GPC5: variants seen among roughly 807,000 people sequenced by gnomAD.
GPC5 encodes glypican 5, also known as glypican-5.
In GPC5, 47 loss-of-function variants were observed where a neutral mutation model predicts 53.9. The ratio of observed to expected loss-of-function variants is 0.87; its 90% CI spans 0.69 to 1.11. The LOEUF is 1.11. GPC5 is among the 50% of genes most tolerant of loss of function. GPC5 has a pLI of 0.00. For missense variants in GPC5, 748 were observed against 713.1 expected (o/e 1.05, Z -0.56); for synonymous variants, 286 against 263.3 (o/e 1.09, Z -0.84).
chr13:92,243,148 G>C lies in GPC5; in HGVS notation c.1561+98159G>C, dbSNP rs191122037. On this transcript the variant is annotated intron_variant, in intron 7 of 7. Transcript: ENST00000377067. ...ATTTGTTTGAGACTTAATTTGACTT[G>C]TTATTACAAATAATTCATTTTAATT... 4.3e-4 allele frequency among the ~76,000 whole-genome samples: 66 copies of C among 152,196 alleles called. No homozygotes were observed. In the East Asian group the frequency reaches 8.9e-3, roughly 20 times the overall value.
chr13:91,954,233 T>C (rs895377804), intron 6 of GPC5, among the ~76,000 whole-genome samples: 1 of 152,092 alleles, frequency 6.6e-6, no homozygotes, highest in Non-Finnish European at 1.5e-5. Flanking sequence ...CCCAACATAT[T>C]TTATAAAGCC....
chr13:91,987,000 G>T (rs1241110453), intron 6 of GPC5, among the ~76,000 whole-genome samples: 1 of 152,114 alleles, frequency 6.6e-6, no homozygotes, highest in Non-Finnish European at 1.5e-5. Flanking sequence ...ATTGTCAGTT[G>T]GTAAGCAAAG....
At chr13:92,471,110 G>A (rs1018964725) in intron 7 of GPC5, among the ~76,000 whole-genome samples, 1 of 152,060 alleles carries the variant, frequency 6.6e-6, no homozygotes, top group Non-Finnish European at 1.5e-5. Context: ...AATGGACAGT[G>A]CCCTCAGCCA....
At chr13:91,560,827 G>A (rs1013316623) in intron 2 of GPC5, among the ~76,000 whole-genome samples, 3 of 152,058 alleles carry the variant, frequency 2.0e-5, no homozygotes, top group South Asian at 2.1e-4. Flanking sequence ...AAAGCAGCTT[G>A]AGTCACCACA....
At chr13:92,525,437 A>AGTGTGGGTGTGTGT (rs1881235616) in intron 7 of GPC5, among the ~76,000 whole-genome samples, 1 of 136,584 alleles carries the variant, frequency 7.3e-6, no homozygotes, top group Admixed American at 7.5e-5. Context: ...GATAGATTCA[A>AGTGTGGGTGTGTGT]GTGTGTGTGT....
intron 2 of GPC5, among the ~76,000 whole-genome samples, chr13:91,460,020 A>G (rs72640382): frequency 0.091 from 13,900 of 152,246 alleles, 797 homozygotes; most frequent in East Asian, 0.33. Context: ...ATAAAGTTAT[A>G]TGATGAAAAT....
At chr13:92,802,760 G>A (rs2138789058) in intron 7 of GPC5, among the ~76,000 whole-genome samples, 1 of 152,004 alleles carries the variant, frequency 6.6e-6, no homozygotes, top group African/African-American at 2.4e-5. Flanking sequence ...GGAACACTTG[G>A]ACACAGGAAG....
At chr13:92,065,466 T>C (rs1294034706) in intron 6 of GPC5, among the ~76,000 whole-genome samples, 1 of 152,142 alleles carries the variant, frequency 6.6e-6, no homozygotes, top group African/African-American at 2.4e-5. Context: ...TTTAGCAAAG[T>C]TAATGAGTCC....
intron 4 of GPC5, among the ~76,000 whole-genome samples, chr13:91,738,466 A>G (rs562148427): frequency 1.3e-5 from 2 of 151,264 alleles, no homozygotes; most frequent in East Asian, 3.9e-4. Context: ...GTGGTGATAA[A>G]TCAGTCTTTA....
intron 7 of GPC5, among the ~76,000 whole-genome samples, chr13:92,706,956 T>A (rs1466320258): frequency 6.6e-6 from 1 of 152,152 alleles, no homozygotes; most frequent in Non-Finnish European, 1.5e-5. Flanking sequence ...AATGCCCTTA[T>A]AAAAAGATGA....
chr13:91,429,648 A>G (rs554308245), intron 1 of GPC5, among the ~76,000 whole-genome samples: 1 of 152,336 alleles, frequency 6.6e-6, no homozygotes, highest in Admixed American at 6.5e-5. Flanking sequence ...CACTGTGATC[A>G]GAGGATTCCA....
At chr13:92,706,417 C>A (rs1022396976) in intron 7 of GPC5, among the ~76,000 whole-genome samples, 1 of 151,586 alleles carries the variant, frequency 6.6e-6, no homozygotes, top group African/African-American at 2.4e-5. Flanking sequence ...TGTTGACTGG[C>A]AAATGGGAGA....
chr13:92,617,887 C>G (rs919991090), intron 7 of GPC5, among the ~76,000 whole-genome samples: 2 of 152,082 alleles, frequency 1.3e-5, no homozygotes, highest in Non-Finnish European at 2.9e-5. Context: ...GCACAACGTG[C>G]AGGTTTGTTA....
In GPC5 at chr13:91,864,272, A is replaced by G. The variant is rs188280994; in HGVS notation, c.1281-43665A>G. ...TTTGAAAGATTTGGAGAATTTCATA[A>G]TGACTTTTACTTTTGCTAATTATTG... On this transcript the variant is annotated intron_variant, in intron 5 of 7. Coordinates refer to ENST00000377067, the MANE Select transcript of GPC5 (RefSeq NM_004466.6). Among the ~76,000 whole-genome samples the G allele has an allele frequency of 5.9e-3, 903 of 152,322 alleles. 9 individuals carry two copies. Among genetic ancestry groups the G allele is most frequent in the Admixed American group, 0.012 (180 of 15,302 alleles).
chr13:92,144,680 G>A (rs752965995), intron 6 of GPC5, 150 bp from the exon 7 acceptor site: 47 of 670,094 alleles, frequency 7.0e-5, no homozygotes, highest in Non-Finnish European at 2.5e-5. Flanking sequence ...TACTATTTCA[G>A]TTGTTTCATT....
intron 2 of GPC5, among the ~76,000 whole-genome samples, chr13:91,458,812 C>T (rs1881730871): frequency 6.6e-6 from 1 of 152,048 alleles, no homozygotes; most frequent in Admixed American, 6.6e-5. Context: ...AAATGTCCAT[C>T]AATCAATGAG....
At chr13:91,412,204 G>A (rs1475687834) in intron 1 of GPC5, among the ~76,000 whole-genome samples, 1 of 152,182 alleles carries the variant, frequency 6.6e-6, no homozygotes, top group Non-Finnish European at 1.5e-5. Flanking sequence ...TGAATTCTCT[G>A]CCTATCACCA....
chr13:91,984,720 G>C (rs779095080), intron 6 of GPC5, among the ~76,000 whole-genome samples: 2 of 152,034 alleles, frequency 1.3e-5, no homozygotes, highest in Non-Finnish European at 2.9e-5. Flanking sequence ...TTAGTTTAAT[G>C]TTGTTTTTTA....
intron 7 of GPC5, among the ~76,000 whole-genome samples, chr13:92,724,875 T>TACATACAC (rs376063476): frequency 7.3e-6 from 1 of 137,668 alleles, no homozygotes; most frequent in South Asian, 2.3e-4. Context: ...GTCCTACACA[T>TACATACAC]ACACACACAC....
Sources: allele counts gnomAD v4.1 joint callset (sites outside exome capture counted in the v4.1 genomes callset), GRCh38; gene constraint gnomAD v4.1.1; transcripts MANE v1.5; gene names NCBI Gene and HGNC (gene_info 2026-07-23, HGNC 2026-07-21).